ZFP1: variants seen among roughly 807,000 people sequenced by gnomAD.
ZFP1 encodes the protein ZFP1 zinc finger protein.
ZFP1 carries 32 observed loss-of-function variants against 38.5 expected under a neutral mutation model. The observed-to-expected ratio is 0.83, with a 90% CI of 0.63 to 1.12. The LOEUF (loss-of-function observed/expected upper bound fraction) is 1.12. Ranked by LOEUF, ZFP1 falls within the 50% of genes most tolerant of loss-of-function variation. The probability of loss-of-function intolerance (pLI) is 0.00; values close to 1 mark genes in which losing one functional copy is unlikely to be tolerated. For synonymous variants in ZFP1, 245 were observed against 168.8 expected (o/e 1.45, Z -3.50); for missense variants, 616 against 480.8 (o/e 1.28, Z -2.63).
chr16:75,145,001 A>T (rs553909517), upstream of ZFP1, among the ~76,000 whole-genome samples: 10 of 152,172 alleles, frequency 6.6e-5, 1 homozygote, highest in East Asian at 1.7e-3. Flanking sequence ...AGCTTGGCTT[A>T]TTTCACTTAG....
intron 2 of ZFP1, among the ~76,000 whole-genome samples, chr16:75,164,199 C>T (rs892600955): frequency 6.6e-6 from 1 of 152,036 alleles, no homozygotes; most frequent in Non-Finnish European, 1.5e-5. Context: ...TAAAATTTGC[C>T]TCTTGTAAAA....
At position 75,170,085 on chromosome 16, in the gene ZFP1, G is replaced by A. The variant is rs2038341433; in HGVS notation, c.975G>A (p.Glu325=). Residue 325 remains glutamate, a synonymous_variant, in exon 4 of 4, where the codon GAG becomes GAA. Coordinates refer to ENST00000570010, the MANE Select transcript of ZFP1 (RefSeq NM_153688.4). ...TTCACACGGGGGAGAAACGCTATGA[G>A]TGCAGTGAATGTGGAAAATCCTTTA... The part of the protein sequence containing the change: ...QKIHTGEKRY[E]CSECGKSFIQ... The A allele has an allele frequency of 2.5e-6, 4 of 1,614,122 alleles. No individual in the cohort carries two copies. The highest frequency in any genetic ancestry group is 2.5e-6 in the Non-Finnish European group (3 of 1,179,994).
the ZFP1 span, among the ~76,000 whole-genome samples, chr16:75,141,714 C>T: frequency 6.6e-6 from 1 of 150,636 alleles, no homozygotes; most frequent in Non-Finnish European, 1.5e-5. Context: ...TAGGGAGACC[C>T]TGTCTCTGCA....
the ZFP1 span, among the ~76,000 whole-genome samples, chr16:75,129,497 A>C: frequency 6.6e-6 from 1 of 152,210 alleles, no homozygotes; most frequent in South Asian, 2.1e-4. Flanking sequence ...CCCTCTGCTC[A>C]CTGAGATAAA....
intron 2 of ZFP1, among the ~76,000 whole-genome samples, chr16:75,159,947 A>C (rs533532304): frequency 6.6e-6 from 1 of 152,070 alleles, no homozygotes; most frequent in African/African-American, 2.4e-5. Flanking sequence ...TGGCATCTCA[A>C]CTGTTTGCCA....
the ZFP1 span, among the ~76,000 whole-genome samples, chr16:75,133,039 G>A: frequency 6.6e-6 from 1 of 151,280 alleles, no homozygotes; most frequent in Non-Finnish European, 1.5e-5. Context: ...GTGCAGTGGT[G>A]CGATCTTGGC....
intron 2 of ZFP1, 51 bp from the exon 3 acceptor site, chr16:75,166,719 T>C: frequency 6.2e-7 from 1 of 1,613,532 alleles, no homozygotes; most frequent in South Asian, 1.1e-5. Flanking sequence ...ATCTATCCTT[T>C]CTATATCACC....
intron 2 of ZFP1, among the ~76,000 whole-genome samples, chr16:75,160,629 A>G (rs1274002573): frequency 6.7e-6 from 1 of 148,904 alleles, no homozygotes; most frequent in East Asian, 2.0e-4. Context: ...ACTGCACTCC[A>G]ATCTGGGTGA....
chr16:75,160,797 T>A (rs1452921587), intron 2 of ZFP1, among the ~76,000 whole-genome samples: 2 of 150,930 alleles, frequency 1.3e-5, no homozygotes, highest in Non-Finnish European at 2.9e-5. Flanking sequence ...AGGGGAGGAG[T>A]GCTGTGTCCT....
chr16:75,146,286 C>T (rs773682391), upstream of ZFP1, among the ~76,000 whole-genome samples: 11 of 152,090 alleles, frequency 7.2e-5, no homozygotes, highest in Non-Finnish European at 1.6e-4. Context: ...GCTCAGCCTC[C>T]CAAGTAGCCG....
At chr16:75,155,426 G>A (rs969996672) in intron 2 of ZFP1, among the ~76,000 whole-genome samples, 8 of 152,130 alleles carry the variant, frequency 5.3e-5, no homozygotes, top group Non-Finnish European at 1.0e-4. Flanking sequence ...GTGAGCCACC[G>A]TGCTCAGCCC....
At chr16:75,129,839 G>A in the ZFP1 span, among the ~76,000 whole-genome samples, 3 of 152,198 alleles carry the variant, frequency 2.0e-5, no homozygotes, top group African/African-American at 7.2e-5. Context: ...AGAGGCATAA[G>A]GCAGAAGGAG....
upstream of ZFP1, among the ~76,000 whole-genome samples, chr16:75,146,026 C>T (rs577751534): frequency 2.0e-5 from 3 of 152,238 alleles, no homozygotes; most frequent in South Asian, 6.2e-4. Flanking sequence ...ACCCACTTGC[C>T]TCTGTGCTCC....
At chr16:75,149,398 T>C (rs2145488086) in intron 1 of ZFP1, 1 of 152,340 alleles carries the variant, frequency 6.6e-6, no homozygotes, top group African/African-American at 2.4e-5. Flanking sequence ...GCACCCAAAA[T>C]TCTTCACTAC....
At position 75,171,814 on chromosome 16, in the gene ZFP1, TACTC is replaced by T. The variant is rs937484125; in HGVS notation, c.*1483_*1486del. ...CTTTTGTCTAAGTTGTCATCTTACT[TACTC>T]ACAAAGGAGGGGAAAACGTTATTTT... On this transcript the variant is annotated 3_prime_UTR_variant, in exon 4 of 4. Transcript: ENST00000570010. 4 of 152,346 alleles carry T rather than the reference TACTC, an allele frequency of 2.6e-5. No individual in the cohort carries two copies. Among genetic ancestry groups the T allele is most frequent in the Non-Finnish European group, 4.4e-5 (3 of 68,018 alleles). 9.4% of individuals were successfully genotyped at this position (152,346 alleles called of 1,614,324 possible). A position where few individuals can be genotyped will look rare whatever the true frequency, so the allele number is the denominator to read the frequency against.
At position 75,148,571 on chromosome 16, in the gene ZFP1, C is replaced by T. The variant is rs2036999292; in HGVS notation, c.-116C>T. ...CGAGTGGGTGACAGAGCCCCCGTCT[C>T]CGCGCGTCTTCGCCGCCCTGCGCCG... On this transcript the variant is annotated 5_prime_UTR_variant, in exon 1 of 4. Transcript: ENST00000570010. 1 of 152,340 alleles carries T rather than the reference C, an allele frequency of 6.6e-6. No homozygotes were observed. The highest frequency in any genetic ancestry group is 2.4e-5 in the African/African-American group (1 of 41,472). The allele number at this position is 152,340 out of a possible 1,614,324, so 9.4% of individuals were successfully genotyped here.
At chr16:75,119,014 C>G in the ZFP1 span, among the ~76,000 whole-genome samples, 1 of 152,208 alleles carries the variant, frequency 6.6e-6, no homozygotes, top group African/African-American at 2.4e-5. Context: ...CAGACCCAAA[C>G]AATGTTCATC....
At chr16:75,166,647 G>A in intron 2 of ZFP1, 123 bp from the exon 3 acceptor site, 2 of 1,534,038 alleles carry the variant, frequency 1.3e-6, no homozygotes, top group South Asian at 2.6e-5. Flanking sequence ...AACAAAAACA[G>A]TGAACAAGAT....
rs1406461169 is a variant in ZFP1 at position 75,171,261 on chromosome 16, G to C, written c.*927G>C. On this transcript the variant is annotated 3_prime_UTR_variant, in exon 4 of 4. Transcript: ENST00000570010. ...CCCTTAATATTTCATGAATTGTCTA[G>C]CAAAAATGGTAGGATGCTTCTGTAG... The C allele has an allele frequency of 6.6e-6, 1 of 152,086 alleles. No individual in the cohort carries two copies. The highest frequency in any genetic ancestry group is 1.5e-5 in the Non-Finnish European group (1 of 68,024). 9.4% of individuals were successfully genotyped at this position (152,086 alleles called of 1,614,324 possible).
Sources: gnomAD v4.1 joint callset for allele counts (sites outside exome capture counted in the v4.1 genomes callset) on GRCh38, gnomAD v4.1.1 for gene constraint, MANE v1.5 for transcripts, NCBI Gene and HGNC (gene_info 2026-07-23, HGNC 2026-07-21) for gene names.